The following UPRT variants were observed in gnomAD, a reference collection of about 807,000 sequenced individuals.
UPRT encodes uracil phosphoribosyltransferase homolog.
Under a neutral mutation model 22.6 loss-of-function variants are expected in UPRT, and 5 were observed. That is an observed-to-expected ratio of 0.22 (90% CI 0.12 to 0.47). The LOEUF (loss-of-function observed/expected upper bound fraction) is 0.47. Ranked by LOEUF, UPRT falls within the 20% of genes least tolerant of loss-of-function variation. The pLI, the probability that UPRT is intolerant of heterozygous loss-of-function variation, is 0.99. For synonymous variants in UPRT, 77 were observed against 87.7 expected (o/e 0.88, Z 0.68); for missense variants, 181 against 239.9 (o/e 0.75, Z 1.62).
Position 75,296,344 on chromosome X carries a change from C to T in UPRT, c.432C>T (p.Ile144=). The T allele has an allele frequency of 8.3e-7, 1 of 1,209,696 alleles. No homozygotes were observed. The highest frequency in any genetic ancestry group is 1.8e-5 in the South Asian group (1 of 56,757). ...TTCTTCTTCCTTTGACTCTCTAGAT[C>T]AGACTTGTTGTGGAAGAGGGATTGA... The part of the protein sequence containing the change: ...GDFMFSADRL[I]RLVVEEGLNQ... The change falls in exon 3 of 7, where the codon ATC becomes ATT. Residue 144 remains isoleucine (I), a splice_region_variant and synonymous_variant. Coordinates refer to ENST00000373383, the MANE Select transcript of UPRT (RefSeq NM_145052.4).
chrX:75,265,752 C>A (rs1292485486), intron 4 of UPRT, among the ~76,000 whole-genome samples: 4 of 111,042 alleles, frequency 3.6e-5, no homozygotes, highest in African/African-American at 1.3e-4. Flanking sequence ...GGAGGCGAGG[C>A]ACTCTGATTT....
At chrX:75,285,848 ATAT>A (rs2082677571) in intron 1 of UPRT, among the ~76,000 whole-genome samples, 1 of 111,144 alleles carries the variant, frequency 9.0e-6, no homozygotes, top group African/African-American at 3.3e-5. Flanking sequence ...TAGTAACATA[ATAT>A]TATTTTTTTT....
intron 4 of UPRT, among the ~76,000 whole-genome samples, chrX:75,188,393 G>T (rs921764451): frequency 8.9e-6 from 1 of 112,170 alleles, no homozygotes; most frequent in East Asian, 2.8e-4. Flanking sequence ...CAGATCTCCA[G>T]CTGTGTGCTG....
At chrX:75,187,517 C>T (rs995936029) in intron 4 of UPRT, among the ~76,000 whole-genome samples, 8 of 111,080 alleles carry the variant, frequency 7.2e-5, no homozygotes, top group Admixed American at 5.8e-4. Flanking sequence ...TTGCTCTTCT[C>T]GAGGAGTATC....
chrX:75,229,303 C>A (rs2082431435), intron 4 of UPRT, among the ~76,000 whole-genome samples: 2 of 111,700 alleles, frequency 1.8e-5, no homozygotes, highest in South Asian at 7.5e-4. Flanking sequence ...GTCATTATGC[C>A]TCAGGAAACC....
intron 5 of UPRT, 27 bp downstream of exon 5, chrX:75,299,923 C>G (rs781319191): frequency 4.2e-6 from 5 of 1,196,778 alleles, no homozygotes; most frequent in Non-Finnish European, 5.6e-6. Flanking sequence ...TGTTTGTAAC[C>G]TTTGGTTAGG....
At chrX:75,164,042 G>A in intron 3 of UPRT, among the ~76,000 whole-genome samples, 1 of 111,267 alleles carries the variant, frequency 9.0e-6, no homozygotes, top group Non-Finnish European at 1.9e-5. Context: ...GCTGGGTGTG[G>A]TGGCACATGC....
chrX:75,236,868 C>G (rs2082467471), intron 4 of UPRT, among the ~76,000 whole-genome samples: 1 of 112,277 alleles, frequency 8.9e-6, no homozygotes, highest in Non-Finnish European at 1.9e-5. Context: ...CTAGGCATTA[C>G]CATTCAGGAC....
At chrX:75,244,678 C>T (rs1055456451) in intron 4 of UPRT, among the ~76,000 whole-genome samples, 2 of 111,038 alleles carry the variant, frequency 1.8e-5, no homozygotes, top group African/African-American at 6.6e-5. Flanking sequence ...AGAGAAAAGA[C>T]TCCCTCTTCA....
intron 4 of UPRT, among the ~76,000 whole-genome samples, chrX:75,233,267 C>G (rs1318599308): frequency 3.6e-5 from 4 of 110,041 alleles, no homozygotes; most frequent in African/African-American, 1.3e-4. Flanking sequence ...GCAAAGCCTC[C>G]AAGAAATATG....
At chrX:75,158,959 G>A (rs1422119786) in intron 1 of UPRT, among the ~76,000 whole-genome samples, 4 of 111,521 alleles carry the variant, frequency 3.6e-5, no homozygotes, top group African/African-American at 1.3e-4. Flanking sequence ...TTACTTGAGA[G>A]GTTGTTAGAA....
At chrX:75,189,938 C>G (rs2082308942) in intron 4 of UPRT, among the ~76,000 whole-genome samples, 1 of 112,022 alleles carries the variant, frequency 8.9e-6, no homozygotes, top group South Asian at 3.7e-4. Context: ...ATCCAATTTG[C>G]CAATTGCTTC....
At chrX:75,197,047 T>C (rs1437241710) in intron 4 of UPRT, among the ~76,000 whole-genome samples, 1 of 110,921 alleles carries the variant, frequency 9.0e-6, no homozygotes, top group African/African-American at 3.3e-5. Context: ...CCACTGGTGA[T>C]ACCTTCAAGA....
chrX:75,199,009 C>G (rs1412053703), intron 4 of UPRT, among the ~76,000 whole-genome samples: 1 of 112,104 alleles, frequency 8.9e-6, no homozygotes, highest in East Asian at 2.8e-4. Flanking sequence ...AGGGGATTCA[C>G]ACATCCCAGT....
chrX:75,222,664 T>A (rs910120727), intron 4 of UPRT, among the ~76,000 whole-genome samples: 12 of 111,067 alleles, frequency 1.1e-4, no homozygotes, highest in African/African-American at 3.6e-4. Context: ...TGGCATTCAC[T>A]TAAGGCCCAA....
chrX:75,165,030 A>G (rs1210890966), intron 3 of UPRT, among the ~76,000 whole-genome samples: 1 of 109,394 alleles, frequency 9.1e-6, no homozygotes, highest in Non-Finnish European at 1.9e-5. Context: ...CAACCAAGGC[A>G]AGATCAACTT....
chrX:75,247,741 G>A (rs1327789266), intron 4 of UPRT, among the ~76,000 whole-genome samples: 2 of 112,155 alleles, frequency 1.8e-5, no homozygotes, highest in Non-Finnish European at 3.8e-5. Context: ...CTCACAGCAC[G>A]CAGCTTGAGA....
At chrX:75,220,934 C>T (rs1207504900) in intron 4 of UPRT, among the ~76,000 whole-genome samples, 8 of 111,645 alleles carry the variant, frequency 7.2e-5, no homozygotes, top group Non-Finnish European at 1.5e-4. Context: ...CAGATGATTT[C>T]TTGTTGCTTA....
intron 4 of UPRT, among the ~76,000 whole-genome samples, chrX:75,197,707 A>G (rs2082336869): frequency 8.9e-6 from 1 of 112,258 alleles, no homozygotes; most frequent in Non-Finnish European, 1.9e-5. Context: ...GATGCTCTAT[A>G]GAAGCCCAAT....
Sources: gnomAD v4.1 joint callset for allele counts (sites outside exome capture counted in the v4.1 genomes callset) on GRCh38, gnomAD v4.1.1 for gene constraint, MANE v1.5 for transcripts, NCBI Gene and HGNC (gene_info 2026-07-23, HGNC 2026-07-21) for gene names.